Variants in ZNF197 observed in about 807,000 individuals in gnomAD.
ZNF197 encodes zinc finger protein 197.
ZNF197 carries 14 observed loss-of-function variants against 27.4 expected under a neutral mutation model. The ratio of observed to expected loss-of-function variants is 0.51; its 90% CI spans 0.34 to 0.80. The LOEUF is 0.80. ZNF197 is among the 30% of genes least tolerant of loss of function. ZNF197 has a pLI of 0.02. For missense variants in ZNF197, 1,090 were observed against 1,222.6 expected (o/e 0.89, Z 1.62); for synonymous variants, 415 against 420.0 (o/e 0.99, Z 0.15).
chr3:44,634,263 C>T (rs1192810063), intron 5 of ZNF197, among the ~76,000 whole-genome samples: 2 of 152,144 alleles, frequency 1.3e-5, no homozygotes, highest in Admixed American at 6.5e-5. Flanking sequence ...TCATATACTT[C>T]CTATATATAG....
intron 1 of ZNF197, among the ~76,000 whole-genome samples, chr3:44,628,609 C>A (rs1319282298): frequency 6.6e-6 from 1 of 152,140 alleles, no homozygotes; most frequent in Non-Finnish European, 1.5e-5. Context: ...TAATAAGTAA[C>A]ATTTAAACCC....
intron 1 of ZNF197, among the ~76,000 whole-genome samples, chr3:44,626,856 T>A (rs1701697803): frequency 6.6e-6 from 1 of 152,190 alleles, no homozygotes; most frequent in African/African-American, 2.4e-5. Flanking sequence ...CCTACACACA[T>A]CCAAACTGAT....
rs1416739473 is a variant in ZNF197, at chr3:44,645,893, A to G, written c.*1673A>G. 1.0e-6 allele frequency: 1 copy of G among 985,436 alleles called. No individual in the cohort carries two copies. Among genetic ancestry groups the G allele is most frequent in the Non-Finnish European group, 1.2e-6 (1 of 829,926 alleles). The allele number at this position is 985,436 out of a possible 1,614,324, so 61.0% of individuals were successfully genotyped here. ...TTGAGTACATTTGTGGGTTTAACTCAGTCTATATTCTTAAGTTGGTAATTT... is the reference window on the plus strand; with the variant it reads ...TTGAGTACATTTGTGGGTTTAACTCGGTCTATATTCTTAAGTTGGTAATTT... On this transcript the variant is annotated 3_prime_UTR_variant, in exon 6 of 6. Coordinates refer to ENST00000344387, the MANE Select transcript of ZNF197 (RefSeq NM_006991.5).
At position 44,633,546 on chromosome 3, in the gene ZNF197, TAGA is replaced by T. The variant is rs550337710; in HGVS notation, c.769+949_769+951del. Among the ~76,000 whole-genome samples, 3 of 152,160 alleles carry T rather than the reference TAGA, an allele frequency of 2.0e-5. No individual in the cohort carries two copies. In the East Asian group the frequency reaches 5.8e-4, roughly 29 times the overall value. ...TTATACTGGAACTTGAAGAAAAGAG[TAGA>T]ATTCTCTTTGGAGAAATCAACGTTC... On this transcript the variant is annotated intron_variant, in intron 5 of 5. Transcript: ENST00000344387.
In ZNF197 at chr3:44,643,889, A is replaced by T; in HGVS notation, c.2759A>T (p.His920Leu). ...DFSQNKNLVV[H>L]QRMHTGEKPY... ...AGTCAGAATAAAAACCTTGTTGTAC[A>T]TCAGAGAATGCACACTGGGGAAAAA... The change falls in exon 6 of 6, where the codon CAT becomes CTT. Residue 920 changes from histidine to leucine, a missense_variant. Physicochemically the swap from His to Leu is moderately conservative, Grantham distance 99 (BLOSUM62 -3). Transcript: ENST00000344387. 6.2e-7 allele frequency: 1 copy of T among 1,613,900 alleles called. No individual in the cohort carries two copies.
rs1047104751 is a variant in ZNF197 at position 44,645,379 on chromosome 3, G to C, written c.*1159G>C. On this transcript the variant is annotated 3_prime_UTR_variant, in exon 6 of 6. Coordinates refer to ENST00000344387, the MANE Select transcript of ZNF197 (RefSeq NM_006991.5). ...TACTCATTTTCATAAGAGGAAGTAT[G>C]GTGAATAGCTAACTGGAATTTAGTG... 1.0e-6 allele frequency: 1 copy of C among 985,290 alleles called. No homozygotes were observed. Among genetic ancestry groups the C allele is most frequent in the African/African-American group, 1.7e-5 (1 of 57,326 alleles). 61.0% of individuals were successfully genotyped at this position (985,290 alleles called of 1,614,324 possible). A position where few individuals can be genotyped will look rare whatever the true frequency, so the allele number is the denominator to read the frequency against.
rs1195623891 is a variant in ZNF197 at position 44,646,389 on chromosome 3, C to T, written c.*2169C>T. ...CACCGAGTAACAAAATGTCACATTG[C>T]TTAGATTGAGACAGCCCACATAATG... On this transcript the variant is annotated 3_prime_UTR_variant, in exon 6 of 6. Transcript: ENST00000344387. 1 of 1,581,948 alleles carries T rather than the reference C, an allele frequency of 6.3e-7. No homozygotes were observed. Among genetic ancestry groups the T allele is most frequent in the Admixed American group, 1.8e-5 (1 of 55,150 alleles).
At chr3:44,625,750 G>GCGCA (rs1370257625) in intron 1 of ZNF197, among the ~76,000 whole-genome samples, 21 of 148,962 alleles carry the variant, frequency 1.4e-4, no homozygotes, top group African/African-American at 4.5e-4. Context: ...GCGCGCGCGC[G>GCGCA]CACACACACA....
At position 44,646,611 on chromosome 3, in the gene ZNF197, G is replaced by A. The variant is rs1460014295; in HGVS notation, c.*2391G>A. On this transcript the variant is annotated 3_prime_UTR_variant, in exon 6 of 6. Coordinates refer to ENST00000344387, the MANE Select transcript of ZNF197 (RefSeq NM_006991.5). ...GGATTCTTCAAAATATTATTATGATGAAAAAGAGAGGGGAGTGAAAATTGT... is the reference window on the plus strand; with the variant it reads ...GGATTCTTCAAAATATTATTATGATAAAAAAGAGAGGGGAGTGAAAATTGT... 7.5e-6 allele frequency: 6 copies of A among 797,838 alleles called. No individual in the cohort carries two copies. Among genetic ancestry groups the A allele is most frequent in the Non-Finnish European group, 1.3e-5 (6 of 457,638 alleles). The allele number at this position is 797,838 out of a possible 1,614,324, so 49.4% of individuals were successfully genotyped here. A position where few individuals can be genotyped will look rare whatever the true frequency, so the allele number is the denominator to read the frequency against.
intron 1 of ZNF197, among the ~76,000 whole-genome samples, chr3:44,627,120 T>TA: frequency 6.6e-6 from 1 of 152,294 alleles, no homozygotes; most frequent in South Asian, 2.1e-4. Flanking sequence ...TGTACACACA[T>TA]ATGCAGAAAT....
At chr3:44,630,947 G>A (rs1559463590) in intron 2 of ZNF197, 115 bp from the exon 3 acceptor site, 1 of 1,378,876 alleles carries the variant, frequency 7.3e-7, no homozygotes. Context: ...CATACTTGAG[G>A]TGGGTCTCTC....
In ZNF197 at chr3:44,643,257, A is replaced by G. The variant is rs745734498; in HGVS notation, c.2127A>G (p.Arg709=). The G allele has an allele frequency of 1.2e-6, 2 of 1,614,144 alleles. No homozygotes were observed. The highest frequency in any genetic ancestry group is 4.5e-5 in the East Asian group (2 of 44,878). Residue 709 remains arginine (R), a synonymous_variant, in exon 6 of 6, where the codon CGA becomes CGG. Coordinates refer to ENST00000344387, the MANE Select transcript of ZNF197 (RefSeq NM_006991.5). ...LHNGEKPYEC[R]ECGKTFIMSK... The stretch of plus-strand genomic sequence containing the variant: ...ATGGGGAGAAGCCATATGAATGTCG[A>G]GAGTGTGGGAAAACCTTTATTATGA...
intron 5 of ZNF197, among the ~76,000 whole-genome samples, chr3:44,638,506 T>A (rs904406770): frequency 1.3e-5 from 2 of 152,204 alleles, no homozygotes; most frequent in Non-Finnish European, 2.9e-5. Flanking sequence ...TATGCAAGAT[T>A]TTGTCATCTG....
rs1401356534 is a variant in ZNF197, at chr3:44,645,641, C to A, written c.*1421C>A. 3 of 985,292 alleles carry A rather than the reference C, an allele frequency of 3.0e-6. No individual in the cohort carries two copies. In the East Asian group the frequency reaches 3.4e-4, roughly 112 times the overall value. The allele number at this position is 985,292 out of a possible 1,614,324, so 61.0% of individuals were successfully genotyped here. On this transcript the variant is annotated 3_prime_UTR_variant, in exon 6 of 6. Coordinates refer to ENST00000344387, the MANE Select transcript of ZNF197 (RefSeq NM_006991.5). Reference sequence around the variant, plus strand: ...CAGAGGGAAAAAAATCCTTGACCCGCAGTTGAGCTGATGATCCCTGCCACA... The same window carrying A: ...CAGAGGGAAAAAAATCCTTGACCCGAAGTTGAGCTGATGATCCCTGCCACA...
chr3:44,631,525 T>A (rs949952441), intron 3 of ZNF197, among the ~76,000 whole-genome samples: 4 of 151,482 alleles, frequency 2.6e-5, no homozygotes, highest in African/African-American at 9.7e-5. Flanking sequence ...GTCAGCCTCC[T>A]GAGTAGCTGG....
chr3:44,637,610 CT>C (rs1168558578), intron 5 of ZNF197, among the ~76,000 whole-genome samples: 1 of 151,890 alleles, frequency 6.6e-6, no homozygotes, highest in African/African-American at 2.4e-5. Flanking sequence ...ACATTTCGGT[CT>C]TTTATCCATT....
In ZNF197 at chr3:44,625,097, C is replaced by A. The variant is rs1009218254; in HGVS notation, c.-128C>A. 1 of 152,218 alleles carries A rather than the reference C, an allele frequency of 6.6e-6. No individual in the cohort carries two copies. The highest frequency in any genetic ancestry group is 6.5e-5 in the Admixed American group (1 of 15,290). 9.4% of individuals were successfully genotyped at this position (152,218 alleles called of 1,614,324 possible). On this transcript the variant is annotated 5_prime_UTR_variant, in exon 1 of 6. Coordinates refer to ENST00000344387, the MANE Select transcript of ZNF197 (RefSeq NM_006991.5). The stretch of plus-strand genomic sequence containing the variant: ...CCTGTGTCATCTCCTAGCGGCCTGG[C>A]GCCGAGGCGGCGGTACGCAAGGCTG...
chr3:44,643,423 A>G lies in ZNF197; in HGVS notation c.2293A>G (p.Ser765Gly). The G allele has an allele frequency of 6.2e-7, 1 of 1,614,226 alleles. No homozygotes were observed. Among genetic ancestry groups the G allele is most frequent in the Admixed American group, 1.7e-5 (1 of 60,030 alleles). Reference sequence around the variant, plus strand: ...CACCGGAGAAAAACCCTTTGAATGCAGTGAGTGTGGAAGAGCTTTCAGTTC... The same window carrying G: ...CACCGGAGAAAAACCCTTTGAATGCGGTGAGTGTGGAAGAGCTTTCAGTTC... ...IHTGEKPFEC[S>G]ECGRAFSSNR... is the part of the protein sequence containing the mutation. The change falls in exon 6 of 6, where the codon AGT becomes GGT. Residue 765 changes from serine to glycine, a missense_variant. By Grantham distance (56) the Ser-to-Gly change is moderately conservative (BLOSUM62 0). Coordinates refer to ENST00000344387, the MANE Select transcript of ZNF197 (RefSeq NM_006991.5).
chr3:44,631,165 T>C lies in ZNF197; in HGVS notation c.494T>C (p.Ile165Thr). The C allele has an allele frequency of 1.2e-6, 2 of 1,614,116 alleles. No individual in the cohort carries two copies. The highest frequency in any genetic ancestry group is 1.7e-6 in the Non-Finnish European group (2 of 1,180,020). Residue 165 changes from isoleucine (I) to threonine (T), a missense_variant, in exon 3 of 6, where the codon ATT becomes ACT. Transcript: ENST00000344387. ...CCTGGCAGCCACATAGCAGCTGAAA[T>C]TTGCCCGCATCCTCCTACTGACCTA... ...VLPGSHIAAE[I>T]CPHPPTDLVA...
Sources: gnomAD v4.1 joint callset for allele counts (sites outside exome capture counted in the v4.1 genomes callset) on GRCh38, gnomAD v4.1.1 for gene constraint, MANE v1.5 for transcripts, NCBI Gene and HGNC (gene_info 2026-07-23, HGNC 2026-07-21) for gene names.